Variants in GMDS observed in about 807,000 individuals in gnomAD.
GMDS encodes GDP-mannose 4,6 dehydratase.
A neutral mutation model predicts 49.9 loss-of-function variants in GMDS; 20 were observed. The ratio of observed to expected loss-of-function variants is 0.40; its 90% confidence interval spans 0.28 to 0.58. GMDS has a LOEUF of 0.58. Ranked by LOEUF, GMDS falls within the 20% of genes least tolerant of loss-of-function variation. GMDS has a pLI of 0.42. For synonymous variants in GMDS, 177 were observed against 178.6 expected (o/e 0.99, Z 0.07); for missense variants, 362 against 481.4 (o/e 0.75, Z 2.32).
intron 9 of GMDS, chr6:1,624,824 ATGCTTT>A: frequency 5.6e-6 from 1 of 179,978 alleles, no homozygotes; most frequent in Non-Finnish European, 1.0e-5. Flanking sequence ...TGGGCTCTTA[ATGCTTT>A]TTTTTTTTTT....
chr6:1,725,439 T>C (rs1766547364), intron 9 of GMDS, among the ~76,000 whole-genome samples: 1 of 152,226 alleles, frequency 6.6e-6, no homozygotes, highest in South Asian at 2.1e-4. Flanking sequence ...TGTAAGATTT[T>C]TTTTTTTTTG....
intron 7 of GMDS, among the ~76,000 whole-genome samples, chr6:1,828,324 T>C (rs867277698): frequency 2.6e-5 from 4 of 152,110 alleles, no homozygotes; most frequent in Middle Eastern, 6.8e-3. Context: ...CAGACCAACA[T>C]AATCTGCAGG....
In GMDS at chr6:1,959,894, G is replaced by A; in HGVS notation, c.616C>T (p.Leu206Phe). The A allele has an allele frequency of 6.2e-7, 1 of 1,606,956 alleles. No homozygotes were observed. Among genetic ancestry groups the A allele is most frequent in the Non-Finnish European group, 8.5e-7 (1 of 1,175,336 alleles). ...AYNLFAVNGI[L>F]FNHESPRRGA... ...CTTCTGGGACTCTCATGATTGAAGA[G>A]AATGCCGTTCACTGCAAAGAGATTA... is the stretch of plus-strand genomic sequence containing the variant. The change falls in exon 6 of 11, where the codon CTC (leucine) becomes TTC (phenylalanine). Residue 206 changes from leucine (L) to phenylalanine (F), a missense_variant. Transcript: ENST00000380815.
chr6:1,719,616 T>G (rs1766296865), intron 9 of GMDS, among the ~76,000 whole-genome samples: 1 of 89,694 alleles, frequency 1.1e-5, no homozygotes, highest in Non-Finnish European at 2.1e-5. Flanking sequence ...GCACTGCTGA[T>G]TTGTTTAAAA....
At chr6:1,757,015 G>A (rs1167205233) in intron 7 of GMDS, among the ~76,000 whole-genome samples, 1 of 152,130 alleles carries the variant, frequency 6.6e-6, no homozygotes, top group Non-Finnish European at 1.5e-5. Context: ...AGGGGTTACC[G>A]TAGCCATCTC....
At chr6:1,648,326 G>C (rs957964572) in intron 9 of GMDS, among the ~76,000 whole-genome samples, 5 of 152,194 alleles carry the variant, frequency 3.3e-5, no homozygotes, top group African/African-American at 1.2e-4. Flanking sequence ...GACATTTCAG[G>C]TTCTACCTTG....
chr6:2,036,951 A>C (rs901818635), intron 4 of GMDS, among the ~76,000 whole-genome samples: 8 of 152,172 alleles, frequency 5.3e-5, no homozygotes, highest in African/African-American at 1.9e-4. Flanking sequence ...CCTAATTTCT[A>C]TTCCTGTTGT....
chr6:2,245,179 G>A, intron 1 of GMDS, 142 bp downstream of exon 1: 1 of 638,726 alleles, frequency 1.6e-6, no homozygotes, highest in Non-Finnish European at 2.8e-6. Context: ...CGTACCTTCC[G>A]TCCCACCTCC....
chr6:1,789,046 G>A (rs960652462), intron 7 of GMDS, among the ~76,000 whole-genome samples: 3 of 152,172 alleles, frequency 2.0e-5, no homozygotes, highest in Non-Finnish European at 4.4e-5. Context: ...TTGCTAGGAT[G>A]ACTCACAGAA....
chr6:1,624,766 C>G, intron 9 of GMDS: 1 of 425,766 alleles, frequency 2.3e-6, no homozygotes, highest in Non-Finnish European at 4.3e-6. Flanking sequence ...ACCGTGACCG[C>G]GATCCACCCC....
At chr6:2,223,309 G>A (rs1780677483) in intron 1 of GMDS, among the ~76,000 whole-genome samples, 1 of 152,114 alleles carries the variant, frequency 6.6e-6, no homozygotes, top group Non-Finnish European at 1.5e-5. Context: ...GGCATGTGGT[G>A]CAAAGGCAGG....
chr6:1,864,023 G>C (rs1283063599), intron 7 of GMDS, among the ~76,000 whole-genome samples: 1 of 152,058 alleles, frequency 6.6e-6, no homozygotes, highest in Non-Finnish European at 1.5e-5. Context: ...TAAGAGGGGT[G>C]GGTCATAACG....
chr6:2,135,208 G>A (rs116720893), intron 1 of GMDS, among the ~76,000 whole-genome samples: 9 of 152,212 alleles, frequency 5.9e-5, no homozygotes, highest in Non-Finnish European at 1.2e-4. Flanking sequence ...CCCATATACA[G>A]TTTAGCACAA....
At chr6:2,240,198 T>G (rs1367709515) in intron 1 of GMDS, among the ~76,000 whole-genome samples, 1 of 152,198 alleles carries the variant, frequency 6.6e-6, no homozygotes, top group East Asian at 1.9e-4. Context: ...TTCCAAATAT[T>G]ACAGAACTTT....
intron 4 of GMDS, among the ~76,000 whole-genome samples, chr6:2,068,115 A>G (rs371517864): frequency 0.2 from 28,782 of 144,080 alleles, 3,185 homozygotes; most frequent in South Asian, 0.26. Flanking sequence ...TTCAATATAC[A>G]CAAATCAATA....
intron 8 of GMDS, among the ~76,000 whole-genome samples, chr6:1,727,647 G>A (rs1245551859): frequency 6.6e-6 from 1 of 152,134 alleles, no homozygotes; most frequent in Non-Finnish European, 1.5e-5. Context: ...GTTGATCCCA[G>A]TTATATTTTG....
chr6:1,909,531 T>TGG (rs1760942683), intron 7 of GMDS, among the ~76,000 whole-genome samples: 1 of 152,102 alleles, frequency 6.6e-6, no homozygotes, highest in Non-Finnish European at 1.5e-5. Flanking sequence ...TCCTTTTGAG[T>TGG]GGGGCCCAGT....
At chr6:1,895,155 G>A (rs895552623) in intron 7 of GMDS, among the ~76,000 whole-genome samples, 3 of 152,146 alleles carry the variant, frequency 2.0e-5, no homozygotes, top group African/African-American at 7.2e-5. Flanking sequence ...CAACGAGTTT[G>A]GGGAGTGCCT....
intron 1 of GMDS, among the ~76,000 whole-genome samples, chr6:2,221,387 C>CT (rs11302115): frequency 1.9e-3 from 279 of 144,430 alleles, no homozygotes; most frequent in African/African-American, 5.1e-3. Context: ...CTAAAATGTT[C>CT]TTTTTTTTTT....
Sources: gnomAD v4.1 joint callset for allele counts (sites outside exome capture counted in the v4.1 genomes callset) on GRCh38, gnomAD v4.1.1 for gene constraint, MANE v1.5 for transcripts, NCBI Gene and HGNC (gene_info 2026-07-23, HGNC 2026-07-21) for gene names.